The following CFAP47 variants were observed in gnomAD, a reference collection of about 807,000 sequenced individuals.
CFAP47 encodes the protein cilia and flagella associated protein 47.
In CFAP47, 29 loss-of-function variants were observed where a neutral mutation model predicts 148.1. That is an observed-to-expected ratio of 0.20 (90% CI 0.15 to 0.27). The LOEUF (loss-of-function observed/expected upper bound fraction) is 0.27. Among genes scored for constraint, CFAP47 ranks in the 10% least tolerant of loss-of-function variants. The pLI is 1.00. For missense variants in CFAP47, 1,872 were observed against 1,697.5 expected, an observed-to-expected ratio of 1.10 and a Z score of -1.81; for synonymous variants, 664 against 577.3, an observed-to-expected ratio of 1.15 and a Z score of -2.15.
At chrX:35,958,637 T>A (rs1157998006) in intron 8 of CFAP47, among the ~76,000 whole-genome samples, 1 of 111,970 alleles carries the variant, frequency 8.9e-6, no homozygotes, top group Non-Finnish European at 1.9e-5. Flanking sequence ...CTAATGATGA[T>A]GAATATCTTT....
chrX:36,123,281 C>T (rs1186221902), intron 33 of CFAP47, among the ~76,000 whole-genome samples: 2 of 112,096 alleles, frequency 1.8e-5, no homozygotes, highest in Non-Finnish European at 3.8e-5. Context: ...GCTGTAACCA[C>T]TCCCTAGCTA....
chrX:36,071,680 C>CT (rs953669829), intron 27 of CFAP47, 145 bp from the exon 28 acceptor site: 96 of 398,403 alleles, frequency 2.4e-4, no homozygotes, highest in South Asian at 3.3e-4. Flanking sequence ...GGTGTTTAGA[C>CT]TTTTTTTTTA....
chrX:36,217,910 A>T (rs1415543833), intron 45 of CFAP47, among the ~76,000 whole-genome samples: 2 of 112,002 alleles, frequency 1.8e-5, no homozygotes, highest in African/African-American at 6.5e-5. Flanking sequence ...AAAAAAAGTG[A>T]ACTTTTAAAA....
chrX:36,310,741 C>A, intron 55 of CFAP47, 92 bp from the exon 56 acceptor site: 1 of 500,004 alleles, frequency 2.0e-6, no homozygotes, highest in South Asian at 8.0e-5. Flanking sequence ...TCTTATCTGT[C>A]CAAATTTTTA....
intron 60 of CFAP47, 107 bp from the exon 61 acceptor site, chrX:36,361,223 C>T (rs1337879951): frequency 4.9e-6 from 2 of 409,838 alleles, no homozygotes; most frequent in African/African-American, 5.1e-5. Flanking sequence ...TATATACCCC[C>T]TCCCTTTCTC....
rs782156697 is a variant in CFAP47 at position 36,210,167 on chromosome X, G to A, written c.6817+5057G>A. Among the ~76,000 whole-genome samples the A allele has an allele frequency of 3.6e-5, 4 of 112,170 alleles. No individual in the cohort carries two copies. In the East Asian group the frequency reaches 1.1e-3, roughly 31 times the overall value. On this transcript the variant is annotated intron_variant, in intron 45 of 63. Transcript: ENST00000378653. ...ATGAATAATGCTGCTATCAACATTT[G>A]TGTACAAGGTTTTATGCAGACATAT...
Position 36,350,031 on chromosome X carries a change from T to TA in CFAP47, c.8604-5dup, listed in dbSNP as rs1556017204. 9.2e-7 allele frequency: 1 copy of TA among 1,082,054 alleles called. No individual in the cohort carries two copies. Among genetic ancestry groups the TA allele is most frequent in the Admixed American group, 2.7e-5 (1 of 37,206 alleles). 89.2% of individuals were successfully genotyped at this position (1,082,054 alleles called of 1,213,427 possible). The stretch of plus-strand genomic sequence containing the variant: ...TGTTCCCTCTTAATATTTTAATTTC[T>TA]AATTAGTATTGTGGGAATCGACAGC... On this transcript the variant is annotated splice_polypyrimidine_tract_variant and splice_region_variant and intron_variant, in intron 58 of 63. Coordinates refer to ENST00000378653, the MANE Select transcript of CFAP47 (RefSeq NM_001304548.2).
intron 39 of CFAP47, among the ~76,000 whole-genome samples, chrX:36,170,998 G>T (rs1939566881): frequency 9.0e-6 from 1 of 110,804 alleles, no homozygotes; most frequent in Non-Finnish European, 1.9e-5. Flanking sequence ...TCTACCTGGT[G>T]TGAAATGGTA....
In CFAP47 at chrX:35,966,773, C is replaced by T. The variant is rs1278391575; in HGVS notation, c.1600+19C>T. 3 of 1,021,736 alleles carry T rather than the reference C, an allele frequency of 2.9e-6. No individual in the cohort carries two copies. The highest frequency in any genetic ancestry group is 3.8e-6 in the Non-Finnish European group (3 of 779,266). 84.2% of individuals were successfully genotyped at this position (1,021,736 alleles called of 1,213,427 possible). On this transcript the variant is annotated intron_variant, in intron 9 of 63. Coordinates refer to ENST00000378653, the MANE Select transcript of CFAP47 (RefSeq NM_001304548.2). The stretch of plus-strand genomic sequence containing the variant: ...GATCCTGGTATGCTATTGTGTAGTG[C>T]CCACCTGGCTTTGTTGTTACTGTTG...
chrX:36,063,336 C>T (rs1937609610), intron 26 of CFAP47, among the ~76,000 whole-genome samples: 1 of 111,376 alleles, frequency 9.0e-6, no homozygotes. Context: ...GCTATTGGTA[C>T]TACCAACTGT....
At chrX:36,371,075 C>A (rs1296329180) in intron 62 of CFAP47, among the ~76,000 whole-genome samples, 1 of 111,395 alleles carries the variant, frequency 9.0e-6, no homozygotes, top group Non-Finnish European at 1.9e-5. Flanking sequence ...TTCAAGGTAT[C>A]AAAATAGGTT....
Position 35,970,797 on chromosome X carries a change from A to G in CFAP47, c.1844A>G (p.Asn615Ser). Residue 615 changes from asparagine (N) to serine (S), a missense_variant, in exon 11 of 64, where the codon AAC (asparagine) becomes AGC (serine). By Grantham distance (46) the Asn-to-Ser change is conservative. Coordinates refer to ENST00000378653, the MANE Select transcript of CFAP47 (RefSeq NM_001304548.2). ...ATTTTCACAAAAGTTCCAAGATTTA[A>G]CTATGTGAATCATGATTTTGCATAT... is the stretch of plus-strand genomic sequence containing the variant. ...RPIFTKVPRF[N>S]YVNHDFAYTT... 1 of 1,181,373 alleles carries G rather than the reference A, an allele frequency of 8.5e-7. No homozygotes were observed. The highest frequency in any genetic ancestry group is 1.1e-6 in the Non-Finnish European group (1 of 882,056).
chrX:36,385,225 G>A lies in CFAP47; in HGVS notation c.*219G>A. 2.9e-6 allele frequency: 1 copy of A among 341,506 alleles called. No homozygotes were observed. The highest frequency in any genetic ancestry group is 5.3e-5 in the Admixed American group (1 of 18,935). The allele number at this position is 341,506 out of a possible 1,213,427, so 28.1% of individuals were successfully genotyped here. ...ATTGGAATTGGTTCACTTTTAAAGT[G>A]CAGGTGTATATTTGTGGTAAAACGA... On this transcript the variant is annotated 3_prime_UTR_variant, in exon 64 of 64. Transcript: ENST00000378653.
At chrX:36,129,352 C>A (rs914235810) in intron 33 of CFAP47, among the ~76,000 whole-genome samples, 2 of 110,320 alleles carry the variant, frequency 1.8e-5, no homozygotes, top group Admixed American at 1.9e-4. Context: ...TTCTCCATAG[C>A]AATTTTTATC....
intron 48 of CFAP47, among the ~76,000 whole-genome samples, chrX:36,250,000 A>T (rs1203587373): frequency 1.8e-5 from 2 of 111,394 alleles, no homozygotes; most frequent in African/African-American, 3.3e-5. Flanking sequence ...TACGATAAAC[A>T]TTATGAAGTT....
chrX:36,353,808 T>G, intron 60 of CFAP47, 127 bp downstream of exon 60: 1 of 484,136 alleles, frequency 2.1e-6, no homozygotes, highest in Non-Finnish European at 3.4e-6. Flanking sequence ...CACTACTTAT[T>G]CACATAGTGC....
At chrX:36,175,152 C>T (rs1368861125) in intron 39 of CFAP47, among the ~76,000 whole-genome samples, 2 of 110,948 alleles carry the variant, frequency 1.8e-5, no homozygotes, top group African/African-American at 6.6e-5. Flanking sequence ...TCAGCTCCAT[C>T]AGCTCCTTTA....
intron 43 of CFAP47, among the ~76,000 whole-genome samples, chrX:36,200,765 T>C (rs1280986256): frequency 8.9e-6 from 1 of 111,934 alleles, no homozygotes; most frequent in East Asian, 2.8e-4. Flanking sequence ...GGCAACACTT[T>C]CCATTTCTCA....
intron 48 of CFAP47, among the ~76,000 whole-genome samples, chrX:36,239,405 C>G (rs190155031): frequency 1.8e-5 from 2 of 112,152 alleles, no homozygotes; most frequent in African/African-American, 6.5e-5. Context: ...TTATTCTTAT[C>G]CCTCTCTCTT....
Sources: gnomAD v4.1 joint callset for allele counts (sites outside exome capture counted in the v4.1 genomes callset) on GRCh38, gnomAD v4.1.1 for gene constraint, MANE v1.5 for transcripts, NCBI Gene and HGNC (gene_info 2026-07-23, HGNC 2026-07-21) for gene names.